ASCC2: variants seen among roughly 807,000 people sequenced by gnomAD.
ASCC2 encodes ASC-1 complex subunit P100.
ASCC2 carries 42 observed loss-of-function variants against 93.5 expected under a neutral mutation model. The observed-to-expected ratio is 0.45, with a 90% CI of 0.35 to 0.58. The LOEUF is 0.58. Ranked by LOEUF, ASCC2 falls within the 20% of genes least tolerant of loss-of-function variation. The pLI, the probability that ASCC2 is intolerant of heterozygous loss-of-function variation, is 0.00. For missense variants in ASCC2, 859 were observed against 977.6 expected (o/e 0.88, Z 1.62); for synonymous variants, 364 against 384.2 (o/e 0.95, Z 0.62).
chr22:29,802,622 G>C (rs1256083914), intron 13 of ASCC2, among the ~76,000 whole-genome samples: 2 of 151,940 alleles, frequency 1.3e-5, no homozygotes, highest in East Asian at 3.9e-4. Context: ...AACACAGCAA[G>C]ACCCCATCTG....
chr22:29,814,592 T>C (rs2060624969), intron 7 of ASCC2, 65 bp downstream of exon 7: 13 of 1,375,930 alleles, frequency 9.4e-6, no homozygotes. Context: ...TCCCAGCCTC[T>C]GGGTAGCTAG....
chr22:29,799,018 T>C (rs1227299293), intron 15 of ASCC2, among the ~76,000 whole-genome samples: 1 of 152,346 alleles, frequency 6.6e-6, no homozygotes, highest in Admixed American at 6.5e-5. Context: ...GCCACCTCAA[T>C]GCCAGCCACT....
chr22:29,803,170 G>C (rs1431366539), intron 13 of ASCC2, among the ~76,000 whole-genome samples: 1 of 150,608 alleles, frequency 6.6e-6, no homozygotes, highest in Non-Finnish European at 1.5e-5. Context: ...AGAATCGCTT[G>C]ATCCCAGGAG....
intron 6 of ASCC2, among the ~76,000 whole-genome samples, chr22:29,815,592 G>A (rs548415257): frequency 2.6e-5 from 4 of 151,946 alleles, no homozygotes; most frequent in South Asian, 4.2e-4. Flanking sequence ...GGATTATGAG[G>A]GAATGATAAT....
At chr22:29,790,408 G>A in intron 19 of ASCC2, 61 bp downstream of exon 19, 1 of 1,579,878 alleles carries the variant, frequency 6.3e-7, no homozygotes, top group Non-Finnish European at 8.7e-7. Context: ...CTGGGTGGCT[G>A]GCTAGGCCCT....
intron 8 of ASCC2, among the ~76,000 whole-genome samples, chr22:29,811,810 AT>A (rs1373451867): frequency 2.0e-5 from 3 of 152,238 alleles, no homozygotes; most frequent in Non-Finnish European, 2.9e-5. Context: ...TCTGTGCCAC[AT>A]TTGGGGAAAC....
At chr22:29,804,243 C>T (rs928960816) in intron 13 of ASCC2, among the ~76,000 whole-genome samples, 6 of 152,194 alleles carry the variant, frequency 3.9e-5, no homozygotes, top group South Asian at 2.1e-4. Context: ...TGGAGCCCCA[C>T]GGAGGGGCTT....
At chr22:29,804,979 G>A in intron 12 of ASCC2, 149 bp from the exon 13 acceptor site, 2 of 787,968 alleles carry the variant, frequency 2.5e-6, no homozygotes. Context: ...CACCTGGGCT[G>A]CATGGAAAAA....
Position 29,793,208 on chromosome 22 carries a change from G to T in ASCC2, c.1919+152C>A, listed in dbSNP as rs1049826881. The T allele has an allele frequency of 1.1e-5, 11 of 1,037,808 alleles. No homozygotes were observed. The African/African-American group carries it at 1.6e-4, about 15-fold the overall frequency. 64.3% of individuals were successfully genotyped at this position (1,037,808 alleles called of 1,614,324 possible). A position where few individuals can be genotyped will look rare whatever the true frequency, so the allele number is the denominator to read the frequency against. Reference sequence around the variant, plus strand: ...ACCGAATAAATGCTGCCCCATTCAGGGTGGGCTGGGGTGGAGGAGCACTGG... The same window carrying T: ...ACCGAATAAATGCTGCCCCATTCAGTGTGGGCTGGGGTGGAGGAGCACTGG... On this transcript the variant is annotated intron_variant, in intron 17 of 19. Transcript: ENST00000307790.
At chr22:29,790,671 A>G in intron 18 of ASCC2, 123 bp from the exon 19 acceptor site, 1 of 971,516 alleles carries the variant, frequency 1.0e-6, no homozygotes. Flanking sequence ...GGGAAGCTGC[A>G]GCCTGGCAGA....
intron 13 of ASCC2, among the ~76,000 whole-genome samples, chr22:29,803,524 C>T (rs1434447487): frequency 1.3e-5 from 2 of 152,134 alleles, no homozygotes; most frequent in African/African-American, 2.4e-5. Context: ...CATAAACAGC[C>T]CTGGTTTCTA....
At chr22:29,802,984 T>C (rs1162639296) in intron 13 of ASCC2, among the ~76,000 whole-genome samples, 1 of 151,836 alleles carries the variant, frequency 6.6e-6, no homozygotes, top group Non-Finnish European at 1.5e-5. Flanking sequence ...ATGGTGCTCA[T>C]GCCTATAATC....
chr22:29,811,864 G>A (rs760500372), intron 8 of ASCC2, among the ~76,000 whole-genome samples: 1 of 152,218 alleles, frequency 6.6e-6, no homozygotes, highest in Non-Finnish European at 1.5e-5. Flanking sequence ...GCGAAAATAT[G>A]CAAGGTACGA....
Position 29,793,948 on chromosome 22 carries a change from C to T in ASCC2, c.1689-272G>A, listed in dbSNP as rs138509954. On this transcript the variant is annotated intron_variant, in intron 15 of 19. Coordinates refer to ENST00000307790, the MANE Select transcript of ASCC2 (RefSeq NM_032204.5). ...AAGTCTTGCTCTGTCACCCAGGCTG[C>T]AGTGCAGTGGCACGATCTCGGCTCA... Among the ~76,000 whole-genome samples the T allele has an allele frequency of 8.0e-3, 1,203 of 151,240 alleles. 16 individuals carry two copies. The highest frequency in any genetic ancestry group is 0.028 in the African/African-American group (1,135 of 41,202).
intron 19 of ASCC2, among the ~76,000 whole-genome samples, chr22:29,790,112 A>G (rs1170070998): frequency 4.6e-5 from 7 of 152,094 alleles, no homozygotes; most frequent in Non-Finnish European, 1.0e-4. Context: ...GCTCTCTCAC[A>G]TTTACACTCT....
rs776587307 is a variant in ASCC2 at position 29,788,722 on chromosome 22, C to A, written c.*291G>T. The A allele has an allele frequency of 4.2e-5, 19 of 452,782 alleles. No individual in the cohort carries two copies. Among genetic ancestry groups the A allele is most frequent in the Non-Finnish European group, 7.7e-5 (19 of 247,892 alleles). 28.0% of individuals were successfully genotyped at this position (452,782 alleles called of 1,614,324 possible). ...GTGTCTTGTGGCCCGAGGTTTGGGGCGCTTGCCTTGGGACTCCATCCCCAT... is the reference window on the plus strand; with the variant it reads ...GTGTCTTGTGGCCCGAGGTTTGGGGAGCTTGCCTTGGGACTCCATCCCCAT... On this transcript the variant is annotated 3_prime_UTR_variant, in exon 20 of 20. Transcript: ENST00000307790.
Position 29,797,612 on chromosome 22 carries a change from G to A in ASCC2, c.1688+3379C>T, listed in dbSNP as rs143138691. Reference sequence around the variant, plus strand: ...GGCACCCACTTCCCAGGGCTGATGTGAGAAAGAAATGACATGTCGAAGCAG... The same window carrying A: ...GGCACCCACTTCCCAGGGCTGATGTAAGAAAGAAATGACATGTCGAAGCAG... On this transcript the variant is annotated intron_variant, in intron 15 of 19. Transcript: ENST00000307790. Among the ~76,000 whole-genome samples the A allele has an allele frequency of 7.2e-5, 11 of 152,306 alleles. 1 individual carries two copies. In the East Asian group the frequency reaches 1.9e-3, roughly 27 times the overall value.
At chr22:29,824,444 G>A (rs763121890) in intron 4 of ASCC2, among the ~76,000 whole-genome samples, 21 of 151,876 alleles carry the variant, frequency 1.4e-4, no homozygotes, top group Admixed American at 2.6e-4. Context: ...GCGAGACCTC[G>A]TCTCTACTAA....
chr22:29,810,524 G>A (rs1013593111), intron 8 of ASCC2, among the ~76,000 whole-genome samples: 22 of 152,224 alleles, frequency 1.4e-4, no homozygotes, highest in African/African-American at 5.1e-4. Context: ...GACAGAGAGG[G>A]CAGTTTGGCC....
Sources: allele counts gnomAD v4.1 joint callset (sites outside exome capture counted in the v4.1 genomes callset), GRCh38; gene constraint gnomAD v4.1.1; transcripts MANE v1.5; gene names NCBI Gene and HGNC (gene_info 2026-07-23, HGNC 2026-07-21).